The following HDAC8 variants were observed in gnomAD, a reference collection of about 807,000 sequenced individuals.
HDAC8 encodes the protein histone deacetylase 8.
HDAC8 carries 1 observed loss-of-function variant against 32.2 expected under a neutral mutation model. The observed-to-expected ratio is 0.03, with a 90% CI of 0.01 to 0.15. The LOEUF (loss-of-function observed/expected upper bound fraction) is 0.15. Among genes scored for constraint, HDAC8 ranks in the 10% least tolerant of loss-of-function variants. The pLI is 1.00. For synonymous variants in HDAC8, 108 were observed against 113.9 expected (o/e 0.95, Z 0.33); for missense variants, 117 against 300.0 (o/e 0.39, Z 4.51).
At chrX:72,350,871 A>AGGGAAGGAGGCTAGGCC (rs1331350964) in intron 10 of HDAC8, among the ~76,000 whole-genome samples, 1 of 111,751 alleles carries the variant, frequency 8.9e-6, no homozygotes, top group Non-Finnish European at 1.9e-5. Flanking sequence ...GCCTTGGGGA[A>AGGGAAGGAGGCTAGGCC]GGGAAGGAGG....
chrX:72,385,382 T>A (rs143531650), intron 9 of HDAC8, among the ~76,000 whole-genome samples: 2,178 of 110,361 alleles, frequency 0.02, 50 homozygotes, highest in African/African-American at 0.067. Context: ...GAGGATAACT[T>A]GAGCATAGGA....
chrX:72,369,393 G>A (rs914895987), intron 9 of HDAC8, among the ~76,000 whole-genome samples: 15 of 111,981 alleles, frequency 1.3e-4, no homozygotes, highest in African/African-American at 4.9e-4. Flanking sequence ...ATGTTGCATG[G>A]ATTGAATCAA....
chrX:72,389,064 T>C (rs1555962851), intron 9 of HDAC8, among the ~76,000 whole-genome samples: 2 of 112,404 alleles, frequency 1.8e-5, no homozygotes, highest in African/African-American at 6.5e-5. Flanking sequence ...GTAATTTTTC[T>C]CTAATTGGTT....
intron 4 of HDAC8, among the ~76,000 whole-genome samples, chrX:72,555,155 C>G (rs1352183110): frequency 2.7e-5 from 3 of 111,863 alleles, no homozygotes; most frequent in African/African-American, 9.8e-5. Flanking sequence ...CAAAAACAAT[C>G]GCTACAGTTT....
chrX:72,386,134 T>A (rs2045419268), intron 9 of HDAC8, among the ~76,000 whole-genome samples: 1 of 112,107 alleles, frequency 8.9e-6, no homozygotes, highest in Non-Finnish European at 1.9e-5. Context: ...TATAAAGCAG[T>A]TTAATGGCCT....
At chrX:72,566,316 A>G (rs962857595) in intron 4 of HDAC8, among the ~76,000 whole-genome samples, 17 of 111,425 alleles carry the variant, frequency 1.5e-4, no homozygotes, top group African/African-American at 5.6e-4. Context: ...AAAACAAAAA[A>G]CAAACAAACA....
At chrX:72,394,249 T>G (rs142583006) in intron 9 of HDAC8, among the ~76,000 whole-genome samples, 163 of 111,447 alleles carry the variant, frequency 1.5e-3, no homozygotes, top group African/African-American at 5.1e-3. Context: ...TCTTGACCAT[T>G]CTATGATGTC....
chrX:72,554,584 G>T (rs2051216128), intron 4 of HDAC8, among the ~76,000 whole-genome samples: 1 of 112,159 alleles, frequency 8.9e-6, no homozygotes, highest in Admixed American at 9.3e-5. Context: ...GGCTGCATGG[G>T]AGCGGGGTGA....
intron 9 of HDAC8, among the ~76,000 whole-genome samples, chrX:72,441,328 C>G (rs1188561438): frequency 1.8e-5 from 2 of 111,984 alleles, no homozygotes; most frequent in Admixed American, 9.4e-5. Flanking sequence ...GGGTACTCCT[C>G]TGAGACAAAA....
chrX:72,511,456 G>T (rs782233507), intron 4 of HDAC8, among the ~76,000 whole-genome samples: 163 of 111,457 alleles, frequency 1.5e-3, no homozygotes, highest in Non-Finnish European at 2.6e-3. Context: ...CAGCTGTCTC[G>T]GGCTTAATAC....
rs1023776190 is a variant in HDAC8 at position 72,568,734 on chromosome X, C to T, written c.295+20G>A. ...AAATTAGTCTGTCCATCTCCCATCA[C>T]TGCCTGGTAATGACTTTACCTAGCC... On this transcript the variant is annotated intron_variant, in intron 3 of 10. Coordinates refer to ENST00000373573, the MANE Select transcript of HDAC8 (RefSeq NM_018486.3). 6 of 1,208,520 alleles carry T rather than the reference C, an allele frequency of 5.0e-6. No individual in the cohort carries two copies. The Admixed American group carries it at 1.1e-4, about 22-fold the overall frequency.
intron 9 of HDAC8, among the ~76,000 whole-genome samples, chrX:72,379,464 T>C (rs1021617295): frequency 1.2e-4 from 13 of 108,927 alleles, no homozygotes; most frequent in African/African-American, 4.0e-4. Context: ...TTTGTTGTTG[T>C]TGCTGCTGGT....
intron 9 of HDAC8, among the ~76,000 whole-genome samples, chrX:72,384,698 A>G (rs1323529442): frequency 8.9e-6 from 1 of 112,508 alleles, no homozygotes; most frequent in African/African-American, 3.2e-5. Context: ...AGTTTGAGTA[A>G]GTAATATATG....
intron 4 of HDAC8, among the ~76,000 whole-genome samples, chrX:72,505,758 G>A (rs1350829267): frequency 1.8e-5 from 2 of 110,318 alleles, no homozygotes; most frequent in Non-Finnish European, 3.8e-5. Context: ...CTGCACTCTA[G>A]CCTGGGTGAA....
chrX:72,493,343 A>G (rs1556010989), intron 5 of HDAC8, among the ~76,000 whole-genome samples: 1 of 111,674 alleles, frequency 9.0e-6, no homozygotes, highest in African/African-American at 3.3e-5. Context: ...AGTGTGGACT[A>G]CCTTGAAGAC....
intron 9 of HDAC8, among the ~76,000 whole-genome samples, chrX:72,383,697 C>T (rs983879904): frequency 9.1e-6 from 1 of 109,407 alleles, no homozygotes; most frequent in Admixed American, 9.8e-5. Flanking sequence ...AGTGAAACCC[C>T]GTCTCTACTA....
intron 7 of HDAC8, 56 bp from the exon 8 acceptor site, chrX:72,464,787 T>C (rs1251568168): frequency 5.7e-6 from 5 of 876,513 alleles, no homozygotes; most frequent in Non-Finnish European, 8.3e-6. Flanking sequence ...GGGGTAGTGG[T>C]GGTGGTAGGG....
At chrX:72,515,783 G>C in intron 4 of HDAC8, among the ~76,000 whole-genome samples, 1 of 111,755 alleles carries the variant, frequency 8.9e-6, no homozygotes. Context: ...TTTAAATAGA[G>C]ACCCAAAAGG....
intron 9 of HDAC8, among the ~76,000 whole-genome samples, chrX:72,358,199 G>A (rs1555951412): frequency 1.8e-5 from 2 of 111,715 alleles, no homozygotes; most frequent in East Asian, 5.6e-4. Context: ...TTACAGGTGT[G>A]AGCCACCATG....
Sources: allele counts gnomAD v4.1 joint callset (sites outside exome capture counted in the v4.1 genomes callset), GRCh38; gene constraint gnomAD v4.1.1; transcripts MANE v1.5; gene names NCBI Gene and HGNC (gene_info 2026-07-23, HGNC 2026-07-21).